The following TM2D2 variants were observed in gnomAD, a reference collection of about 807,000 sequenced individuals.
The protein encoded by TM2D2 is TM2 domain-containing protein 2.
In TM2D2, 19 loss-of-function variants were observed where a neutral mutation model predicts 23.0. That is an observed-to-expected ratio of 0.82 (90% confidence interval 0.58 to 1.21). The LOEUF is 1.21. TM2D2 is among the 50% of genes most tolerant of loss of function. The probability of loss-of-function intolerance (pLI) is 0.00; values close to 1 mark genes in which losing one functional copy is unlikely to be tolerated. For missense variants in TM2D2, 246 were observed against 265.4 expected, an observed-to-expected ratio of 0.93 and a Z score of 0.51; for synonymous variants, 120 against 108.8, an observed-to-expected ratio of 1.10 and a Z score of -0.64.
rs750274444 is a variant in TM2D2 at position 38,996,406 on chromosome 8, G to C, written c.34C>G (p.Leu12Val). The C allele has an allele frequency of 6.2e-7, 1 of 1,614,170 alleles. No homozygotes were observed. Among genetic ancestry groups the C allele is most frequent in the East Asian group, 2.2e-5 (1 of 44,886 alleles). ...AGCAAAGCCGCCTGGCCGCACAGAA[G>C]TAAGTAACTAACCGGGCAACCACCT... ...VLGGCPVSYL[L>V]LCGQAALLLG... The change falls in exon 1 of 4, where the codon CTT becomes GTT. Residue 12 changes from leucine to valine, a missense_variant. Physicochemically the swap from Leu to Val is conservative, Grantham distance 32. Transcript: ENST00000456397.
chr8:38,995,867 T>C, intron 1 of TM2D2: 1 of 1,055,046 alleles, frequency 9.5e-7, no homozygotes, highest in Non-Finnish European at 1.2e-6. Flanking sequence ...TTACTCCATT[T>C]ATGCCTTACT....
upstream of TM2D2, chr8:38,996,795 T>C: frequency 7.0e-6 from 10 of 1,429,304 alleles, no homozygotes; most frequent in Non-Finnish European, 9.1e-6. Context: ...GGCCGACTAG[T>C]GCTGGTTGCC....
In TM2D2 at chr8:38,989,690, G is replaced by C. The variant is rs1217936265; in HGVS notation, c.*1642C>G. ...GAATATACTTAGGAGGTTAAAGTGT[G>C]AAATGAGGCAGGACTTGGTTAGGTG... On this transcript the variant is annotated 3_prime_UTR_variant, in exon 4 of 4. Coordinates refer to ENST00000456397, the MANE Select transcript of TM2D2 (RefSeq NM_078473.3). The C allele has an allele frequency of 6.6e-6, 1 of 152,210 alleles. No homozygotes were observed. The highest frequency in any genetic ancestry group is 1.5e-5 in the Non-Finnish European group (1 of 68,044). The allele number at this position is 152,210 out of a possible 1,614,324, so 9.4% of individuals were successfully genotyped here. A position where few individuals can be genotyped will look rare whatever the true frequency, so the allele number is the denominator to read the frequency against.
chr8:38,995,395 A>G lies in TM2D2; in HGVS notation c.238T>C (p.Phe80Leu). The change falls in exon 2 of 4, where the codon TTT (phenylalanine) becomes CTT (leucine). Residue 80 changes from phenylalanine to leucine, a missense_variant. Around this residue, in one of 2 missense-constraint regions of TM2D2, gnomAD observed 212 missense variants for 202.2 expected, o/e 1.05. Coordinates refer to ENST00000456397, the MANE Select transcript of TM2D2 (RefSeq NM_078473.3). ...TCCACTGGGTCTTCACATTCTATAAATTCATCAGGTCTGTAATTCACCAGT... is the reference window on the plus strand; with the variant it reads ...TCCACTGGGTCTTCACATTCTATAAGTTCATCAGGTCTGTAATTCACCAGT... ...VILCSYLPDE[F>L]IECEDPVDHV... The G allele has an allele frequency of 6.2e-7, 1 of 1,612,456 alleles. No individual in the cohort carries two copies. Among genetic ancestry groups the G allele is most frequent in the Non-Finnish European group, 8.5e-7 (1 of 1,179,476 alleles).
chr8:38,995,629 C>T (rs1835747911), intron 1 of TM2D2: 3 of 1,429,832 alleles, frequency 2.1e-6, no homozygotes, highest in East Asian at 5.5e-5. Flanking sequence ...TGTTTCTGGT[C>T]CTGTTTCTAT....
In TM2D2 at chr8:38,991,545, C is replaced by T; in HGVS notation, c.432G>A (p.Lys144=). The T allele has an allele frequency of 6.2e-7, 1 of 1,608,674 alleles. No homozygotes were observed. Among genetic ancestry groups the T allele is most frequent in the Non-Finnish European group, 8.5e-7 (1 of 1,175,252 alleles). ...TGGTTATGAAGTAGTGTCCGGTATA[C>T]CTAGGTGAAAGGAATGAAAAGGAAG... ...TFLRENKPCI[K]YTGHYFITTL... is the part of the protein sequence containing the mutation. The change falls in exon 4 of 4, where the codon AAG becomes AAA. Residue 144 remains lysine (K), a splice_region_variant and synonymous_variant. Transcript: ENST00000456397.
chr8:38,991,898 G>C (rs1292647007), intron 3 of TM2D2, among the ~76,000 whole-genome samples: 1 of 152,146 alleles, frequency 6.6e-6, no homozygotes, highest in Non-Finnish European at 1.5e-5. Context: ...GTTTAGAACT[G>C]GCTAGTTTGA....
In TM2D2 at chr8:38,990,938, A is replaced by T. The variant is rs138552545; in HGVS notation, c.*394T>A. 224 of 204,684 alleles carry T rather than the reference A, an allele frequency of 1.1e-3. 2 individuals are homozygous for T. Among genetic ancestry groups the T allele is most frequent in the African/African-American group, 5.1e-3 (217 of 42,748 alleles). The allele number at this position is 204,684 out of a possible 1,614,324, so 12.7% of individuals were successfully genotyped here. ...TTCAGATCTCCTTGCATGAAGACTC[A>T]GGGTCACAAGAGGAACATGGATCCA... On this transcript the variant is annotated 3_prime_UTR_variant, in exon 4 of 4. Transcript: ENST00000456397.
chr8:38,996,568 A>ACGCGCAGCTCGACGCTC (rs1247815113), upstream of TM2D2: 6 of 1,478,700 alleles, frequency 4.1e-6, no homozygotes, highest in African/African-American at 5.6e-5. Flanking sequence ...CAGCCAATGG[A>ACGCGCAGCTCGACGCTC]CGCGCAGCTC....
intron 3 of TM2D2, 126 bp downstream of exon 3, chr8:38,993,419 G>T: frequency 1.7e-6 from 1 of 595,444 alleles, no homozygotes; most frequent in Non-Finnish European, 2.8e-6. Flanking sequence ...TTGCACCACT[G>T]CACTCCAGCC....
In TM2D2 at chr8:38,991,044, G is replaced by A. The variant is rs1278812836; in HGVS notation, c.*288C>T. The A allele has an allele frequency of 2.2e-6, 1 of 452,124 alleles. No homozygotes were observed. Among genetic ancestry groups the A allele is most frequent in the Non-Finnish European group, 4.0e-6 (1 of 248,056 alleles). The allele number at this position is 452,124 out of a possible 1,614,324, so 28.0% of individuals were successfully genotyped here. A position where few individuals can be genotyped will look rare whatever the true frequency, so the allele number is the denominator to read the frequency against. ...AGCAATGTACAGAAAGGAAGACTAT[G>A]GAAACCCATCCACAGCTTGTAAACT... On this transcript the variant is annotated 3_prime_UTR_variant, in exon 4 of 4. Transcript: ENST00000456397.
chr8:38,990,363 C>T lies in TM2D2; in HGVS notation c.*969G>A, dbSNP rs941472493. On this transcript the variant is annotated 3_prime_UTR_variant, in exon 4 of 4. Transcript: ENST00000456397. ...ATTTTATATTTAATAGTTCTTTCAA[C>T]TTAGATTGCAAACGATGAGAACTGA... 7 of 152,208 alleles carry T rather than the reference C, an allele frequency of 4.6e-5. No homozygotes were observed. Among genetic ancestry groups the T allele is most frequent in the Admixed American group, 3.3e-4 (5 of 15,278 alleles). The allele number at this position is 152,208 out of a possible 1,614,324, so 9.4% of individuals were successfully genotyped here.
intron 1 of TM2D2, 73 bp from the exon 2 acceptor site, chr8:38,995,478 A>G (rs761453889): frequency 1.3e-6 from 2 of 1,592,046 alleles, no homozygotes; most frequent in South Asian, 1.1e-5. Flanking sequence ...GCACGTAATC[A>G]AAACGGGCAA....
In TM2D2 at chr8:38,996,307, T is replaced by TGAGCTCAGGCTCAGCGGTCGC; in HGVS notation, c.112_132dup (p.Ala38_Leu44dup). On this transcript the variant is annotated inframe_insertion, in exon 1 of 4. Transcript: ENST00000456397. ...TCCGGCTGGGCGGCGCCAGCGGATG[T>TGAGCTCAGGCTCAGCGGTCGC]GAGCTCAGGCTCAGCGGTCGCATTT... The TGAGCTCAGGCTCAGCGGTCGC allele has an allele frequency of 1.2e-6, 2 of 1,614,128 alleles. No homozygotes were observed. The highest frequency in any genetic ancestry group is 8.5e-7 in the Non-Finnish European group (1 of 1,180,028).
In TM2D2 at chr8:38,991,011, G is replaced by T. The variant is rs1333247467; in HGVS notation, c.*321C>A. 3.0e-6 allele frequency: 1 copy of T among 330,460 alleles called. No homozygotes were observed. The highest frequency in any genetic ancestry group is 5.6e-6 in the Non-Finnish European group (1 of 177,458). The allele number at this position is 330,460 out of a possible 1,614,324, so 20.5% of individuals were successfully genotyped here. On this transcript the variant is annotated 3_prime_UTR_variant, in exon 4 of 4. Transcript: ENST00000456397. ...TTAGGTCCACTTGCTCCAAAGGACT[G>T]AAGATATAGCAATGTACAGAAAGGA...
At position 38,991,561 on chromosome 8, in the gene TM2D2, G is replaced by A; in HGVS notation, c.432-16C>T. Reference sequence around the variant, plus strand: ...TCCGGTATACCTAGGTGAAAGGAATGAAAAGGAAGATGTTTTACTGCACGA... The same window carrying A: ...TCCGGTATACCTAGGTGAAAGGAATAAAAAGGAAGATGTTTTACTGCACGA... On this transcript the variant is annotated splice_polypyrimidine_tract_variant and intron_variant, in intron 3 of 3. Coordinates refer to ENST00000456397, the MANE Select transcript of TM2D2 (RefSeq NM_078473.3). 6.3e-7 allele frequency: 1 copy of A among 1,588,180 alleles called. No homozygotes were observed. The highest frequency in any genetic ancestry group is 8.6e-7 in the Non-Finnish European group (1 of 1,156,780).
intron 3 of TM2D2, among the ~76,000 whole-genome samples, chr8:38,992,998 T>C (rs1835648825): frequency 6.6e-6 from 1 of 152,108 alleles, no homozygotes; most frequent in South Asian, 2.1e-4. Context: ...ATTTTCAGAG[T>C]GTGGAGCCTA....
chr8:38,989,064 A>G lies in TM2D2; in HGVS notation c.*2268T>C, dbSNP rs1469734643. 2 of 152,244 alleles carry G rather than the reference A, an allele frequency of 1.3e-5. No individual in the cohort carries two copies. Among genetic ancestry groups the G allele is most frequent in the Non-Finnish European group, 2.9e-5 (2 of 68,040 alleles). The allele number at this position is 152,244 out of a possible 1,614,324, so 9.4% of individuals were successfully genotyped here. ...TTTTCAGGTTGTATCACATTTGGCC[A>G]GGTTTGTGGGCAGATGGATGATGGG... On this transcript the variant is annotated 3_prime_UTR_variant, in exon 4 of 4. Coordinates refer to ENST00000456397, the MANE Select transcript of TM2D2 (RefSeq NM_078473.3).
intron 2 of TM2D2, among the ~76,000 whole-genome samples, chr8:38,994,204 A>G (rs1041368099): frequency 5.9e-5 from 9 of 152,310 alleles, no homozygotes; most frequent in Middle Eastern, 3.4e-3. Context: ...GTATTACCTG[A>G]TATCTGTGGG....
Sources: allele counts gnomAD v4.1 joint callset (sites outside exome capture counted in the v4.1 genomes callset), GRCh38; gene constraint gnomAD v4.1.1; regional missense constraint gnomAD v4.1.1; transcripts MANE v1.5; gene names NCBI Gene and HGNC (gene_info 2026-07-23, HGNC 2026-07-21).